The following KCNQ1 variants were observed in gnomAD, a reference collection of about 807,000 sequenced individuals.
The protein encoded by KCNQ1 is potassium voltage-gated channel subfamily Q member 1, also known as potassium voltage-gated channel subfamily KQT member 1.
KCNQ1 carries 49 observed loss-of-function variants against 72.4 expected under a neutral mutation model. That is an observed-to-expected ratio of 0.68 (90% CI 0.54 to 0.86). The LOEUF (loss-of-function observed/expected upper bound fraction) is 0.86, where lower values mean the gene tolerates loss of function less well. Ranked by LOEUF, KCNQ1 falls within the 40% of genes least tolerant of loss-of-function variation. KCNQ1 has a pLI of 0.00. For synonymous variants in KCNQ1, 450 were observed against 412.6 expected, an observed-to-expected ratio of 1.09 and a Z score of -1.10; for missense variants, 790 against 945.1, an observed-to-expected ratio of 0.84 and a Z score of 2.15.
chr11:2,683,914 T>C lies in KCNQ1; in HGVS notation c.1514+21833T>C. 2.5e-6 allele frequency: 1 copy of C among 397,454 alleles called. No homozygotes were observed. Among genetic ancestry groups the C allele is most frequent in the East Asian group, 3.6e-5 (1 of 28,042 alleles). 24.6% of individuals were successfully genotyped at this position (397,454 alleles called of 1,614,324 possible). A position where few individuals can be genotyped will look rare whatever the true frequency, so the allele number is the denominator to read the frequency against. On this transcript the variant is annotated intron_variant, in intron 11 of 15. Coordinates refer to ENST00000155840, the MANE Select transcript of KCNQ1 (RefSeq NM_000218.3). The surrounding 1 kb of genome is among the most constrained non-coding windows in gnomAD (Gnocchi z 4.7). ...GCAAAAGATGGCCAAAGGTGCATGC[T>C]CTGTGACACGTTTCATAGTCAGACA...
chr11:2,677,393 C>T lies in KCNQ1; in HGVS notation c.1514+15312C>T, dbSNP rs1197275991. The T allele has an allele frequency of 2.5e-6, 1 of 398,568 alleles. No individual in the cohort carries two copies. Among genetic ancestry groups the T allele is most frequent in the Non-Finnish European group, 4.4e-6 (1 of 226,060 alleles). The allele number at this position is 398,568 out of a possible 1,614,324, so 24.7% of individuals were successfully genotyped here. A position where few individuals can be genotyped will look rare whatever the true frequency, so the allele number is the denominator to read the frequency against. ...AATCAGTTGAAGAGGAAACCAAGAT[C>T]GATGCCTAGATAAGCATTTCAGAGG... On this transcript the variant is annotated intron_variant, in intron 11 of 15. Coordinates refer to ENST00000155840, the MANE Select transcript of KCNQ1 (RefSeq NM_000218.3). The surrounding 1 kb of genome is among the most constrained non-coding windows in gnomAD (Gnocchi z 4.5).
intron 10 of KCNQ1, chr11:2,638,617 T>G (rs1315436509): frequency 6.6e-6 from 1 of 152,234 alleles, no homozygotes. Context: ...ATTTTTTCCT[T>G]CATTTCAACT....
In KCNQ1 at chr11:2,691,709, G is replaced by C; in HGVS notation, c.1514+29628G>C. Reference sequence around the variant, plus strand: ...GGGGTCTCTCCCCATCTGTCCAGGGGAGAGGCAGCCCACAGGGAGCCACAC... The same window carrying C: ...GGGGTCTCTCCCCATCTGTCCAGGGCAGAGGCAGCCCACAGGGAGCCACAC... On this transcript the variant is annotated intron_variant, in intron 11 of 15. Coordinates refer to ENST00000155840, the MANE Select transcript of KCNQ1 (RefSeq NM_000218.3). This position sits in a 1 kb window ranked among gnomAD's most constrained non-coding sequence, Gnocchi z 6.4. 1 of 398,584 alleles carries C rather than the reference G, an allele frequency of 2.5e-6. No individual in the cohort carries two copies. Among genetic ancestry groups the C allele is most frequent in the Non-Finnish European group, 4.4e-6 (1 of 226,104 alleles). The allele number at this position is 398,584 out of a possible 1,614,324, so 24.7% of individuals were successfully genotyped here.
chr11:2,445,836 A>T (rs1846029249), intron 1 of KCNQ1, among the ~76,000 whole-genome samples: 1 of 152,070 alleles, frequency 6.6e-6, no homozygotes, highest in Non-Finnish European at 1.5e-5. Context: ...GTGCAGTAAG[A>T]TAACTCCTCA....
chr11:2,554,563 G>C (rs1487208269), intron 2 of KCNQ1, among the ~76,000 whole-genome samples: 1 of 152,204 alleles, frequency 6.6e-6, no homozygotes, highest in African/African-American at 2.4e-5. Context: ...GGTCTCTGCT[G>C]CTGGCCATCC....
rs1846427976 is a variant in KCNQ1, at chr11:2,762,850, C to G, written c.1515-5994C>G. Among the ~76,000 whole-genome samples, 1 of 152,006 alleles carries G rather than the reference C, an allele frequency of 6.6e-6. No homozygotes were observed. The highest frequency in any genetic ancestry group is 1.5e-5 in the Non-Finnish European group (1 of 68,010). Reference sequence around the variant, plus strand: ...AAAAAGTGTCTTCCACGAAACTGGTCCCTGGTGCCAAAAAGGTTGGGGAAC... The same window carrying G: ...AAAAAGTGTCTTCCACGAAACTGGTGCCTGGTGCCAAAAAGGTTGGGGAAC... On this transcript the variant is annotated intron_variant, in intron 11 of 15. Transcript: ENST00000155840. The surrounding 1 kb of genome is among the most constrained non-coding windows in gnomAD (Gnocchi z 4.3).
Position 2,838,176 on chromosome 11 carries a change from A to C in KCNQ1, c.1795-9591A>C, listed in dbSNP as rs114738214. Among the ~76,000 whole-genome samples the C allele has an allele frequency of 5.2e-3, 793 of 152,372 alleles. 7 individuals carry two copies. The highest frequency in any genetic ancestry group is 0.018 in the African/African-American group (763 of 41,596). ...CAAACACCACCAGTAGGGACCAGGCAGACAGAGGTGGGGATGGAAGGAAGC... is the reference window on the plus strand; with the variant it reads ...CAAACACCACCAGTAGGGACCAGGCCGACAGAGGTGGGGATGGAAGGAAGC... On this transcript the variant is annotated intron_variant, in intron 15 of 15. Transcript: ENST00000155840.
intron 6 of KCNQ1, among the ~76,000 whole-genome samples, chr11:2,574,312 C>G (rs1447228543): frequency 6.6e-6 from 1 of 152,200 alleles, no homozygotes; most frequent in Non-Finnish European, 1.5e-5. Flanking sequence ...AAGCCTGCCC[C>G]CGCGTCTGCC....
rs1846873498 is a variant in KCNQ1 at position 2,494,010 on chromosome 11, C to G, written c.387-33918C>G. 6.6e-6 allele frequency among the ~76,000 whole-genome samples: 1 copy of G among 151,992 alleles called. No homozygotes were observed. Among genetic ancestry groups the G allele is most frequent in the Non-Finnish European group, 1.5e-5 (1 of 67,992 alleles). ...GAATTTTTTTTCCATTTGTTTGTGT[C>G]CTTTCCTTTCCTTCAGCAGTGGTTT... On this transcript the variant is annotated intron_variant, in intron 1 of 15. Coordinates refer to ENST00000155840, the MANE Select transcript of KCNQ1 (RefSeq NM_000218.3). The surrounding 1 kb of genome is among the most constrained non-coding windows in gnomAD (Gnocchi z 4.6).
chr11:2,768,297 A>G lies in KCNQ1; in HGVS notation c.1515-547A>G, dbSNP rs1414773905. The stretch of plus-strand genomic sequence containing the variant: ...AAAAGGATCTTTATTTCTAGAAGAA[A>G]CTTTAGGAGGCAAAAACAGCGCAGC... On this transcript the variant is annotated intron_variant, in intron 11 of 15. Transcript: ENST00000155840. This position sits in a 1 kb window ranked among gnomAD's most constrained non-coding sequence, Gnocchi z 6.7. Among the ~76,000 whole-genome samples, 3 of 152,142 alleles carry G rather than the reference A, an allele frequency of 2.0e-5. No homozygotes were observed. The highest frequency in any genetic ancestry group is 4.8e-5 in the African/African-American group (2 of 41,412).
intron 10 of KCNQ1, chr11:2,649,956 A>T (rs1263395092): frequency 7.5e-6 from 3 of 398,372 alleles, no homozygotes; most frequent in Non-Finnish European, 1.3e-5. Context: ...AGTGTCTCAT[A>T]TGTCACGCAG....
intron 10 of KCNQ1, chr11:2,615,514 C>T (rs2133796341): frequency 7.5e-6 from 3 of 397,822 alleles, no homozygotes; most frequent in Middle Eastern, 1.3e-3. Flanking sequence ...TTTTTTTTCT[C>T]ATTAAGTATA....
chr11:2,573,041 G>C (rs1033269201), intron 6 of KCNQ1, 55 bp downstream of exon 6: 35 of 1,586,638 alleles, frequency 2.2e-5, no homozygotes, highest in Non-Finnish European at 3.0e-5. Flanking sequence ...TGAGGAGTGG[G>C]CAGGACATCT....
rs1287684811 is a variant in KCNQ1, at chr11:2,617,708, C to A, written c.1393+28854C>A. 1 of 398,306 alleles carries A rather than the reference C, an allele frequency of 2.5e-6. No individual in the cohort carries two copies. 24.7% of individuals were successfully genotyped at this position (398,306 alleles called of 1,614,324 possible). ...TGTACAAGAGTTCCCTAACCCTAGC[C>A]AACACTTAATAGCTATTCTCATGAG... On this transcript the variant is annotated intron_variant, in intron 10 of 15. Transcript: ENST00000155840. This position sits in a 1 kb window ranked among gnomAD's most constrained non-coding sequence, Gnocchi z 4.6.
At chr11:2,640,336 G>A (rs997015741) in intron 10 of KCNQ1, 32 of 398,276 alleles carry the variant, frequency 8.0e-5, no homozygotes, top group Middle Eastern at 6.2e-4. Flanking sequence ...CCTCCTATTC[G>A]GCCATCTTGG....
Position 2,679,980 on chromosome 11 carries a change from A to G in KCNQ1, c.1514+17899A>G, listed in dbSNP as rs1000191819. On this transcript the variant is annotated intron_variant, in intron 11 of 15. Coordinates refer to ENST00000155840, the MANE Select transcript of KCNQ1 (RefSeq NM_000218.3). The surrounding 1 kb of genome is among the most constrained non-coding windows in gnomAD (Gnocchi z 4.8). ...ACAGTCTCGGCTTACTGCAACCTCT[A>G]CCTCCTGGGTTCAAGCAATTCTCCT... 1.5e-5 allele frequency: 6 copies of G among 396,434 alleles called. No individual in the cohort carries two copies. The highest frequency in any genetic ancestry group is 3.6e-5 in the East Asian group (1 of 28,022). The allele number at this position is 396,434 out of a possible 1,614,324, so 24.6% of individuals were successfully genotyped here.
intron 2 of KCNQ1, among the ~76,000 whole-genome samples, chr11:2,552,671 G>A (rs1848000844): frequency 6.6e-6 from 1 of 152,150 alleles, no homozygotes; most frequent in Non-Finnish European, 1.5e-5. Context: ...TAGTAATACC[G>A]AGTTTTCTGA....
chr11:2,553,864 C>T (rs948172230), intron 2 of KCNQ1, among the ~76,000 whole-genome samples: 11 of 152,042 alleles, frequency 7.2e-5, no homozygotes, highest in Admixed American at 2.0e-4. Flanking sequence ...TACAGGCGCC[C>T]GCCACCACAC....
intron 10 of KCNQ1, chr11:2,655,788 G>A (rs1226695061): frequency 1.8e-5 from 7 of 398,262 alleles, no homozygotes; most frequent in Non-Finnish European, 3.1e-5. Flanking sequence ...CCCTGTGGTG[G>A]AGAAAGCACG....
Sources: gnomAD v4.1 joint callset for allele counts (sites outside exome capture counted in the v4.1 genomes callset) on GRCh38, gnomAD v4.1.1 for gene constraint, Gnocchi (gnomAD v3.1) non-coding constraint, MANE v1.5 for transcripts, NCBI Gene and HGNC (gene_info 2026-07-23, HGNC 2026-07-21) for gene names.